The following MYO18B variants were observed in gnomAD, a reference collection of about 807,000 sequenced individuals.
MYO18B encodes the protein myosin XVIIIB.
Under a neutral mutation model 273.0 loss-of-function variants are expected in MYO18B, and 204 were observed. The ratio of observed to expected loss-of-function variants is 0.75; its 90% CI spans 0.67 to 0.84. MYO18B has a LOEUF of 0.84. MYO18B is among the 40% of genes least tolerant of loss of function. The pLI is 0.00. For synonymous variants in MYO18B, 1,330 were observed against 1,305.7 expected, an observed-to-expected ratio of 1.02 and a Z score of -0.40; for missense variants, 3,212 against 3,287.6, an observed-to-expected ratio of 0.98 and a Z score of 0.56.
the MYO18B span, among the ~76,000 whole-genome samples, chr22:26,053,373 T>C: frequency 2.0e-5 from 3 of 152,122 alleles, no homozygotes; most frequent in African/African-American, 7.3e-5. Flanking sequence ...TATACCTATT[T>C]TACAGAGGAA....
intron 29 of MYO18B, chr22:25,901,487 AG>A (rs2146337949): frequency 6.6e-6 from 1 of 152,328 alleles, no homozygotes; most frequent in South Asian, 2.1e-4. Flanking sequence ...GAAGGGCAGG[AG>A]GGCCCCTAAC....
At chr22:25,780,788 A>T (rs942540533) in intron 9 of MYO18B, among the ~76,000 whole-genome samples, 2 of 152,104 alleles carry the variant, frequency 1.3e-5, no homozygotes, top group African/African-American at 4.8e-5. Flanking sequence ...TGAAATATTC[A>T]TGAGCAAATA....
intron 40 of MYO18B, among the ~76,000 whole-genome samples, chr22:25,993,376 C>G (rs891207293): frequency 1.3e-5 from 2 of 152,178 alleles, no homozygotes; most frequent in Non-Finnish European, 2.9e-5. Flanking sequence ...AAGACACTTT[C>G]CTTACACAGC....
chr22:25,818,851 C>T (rs2089154950), intron 12 of MYO18B, among the ~76,000 whole-genome samples: 1 of 152,062 alleles, frequency 6.6e-6, no homozygotes, highest in Admixed American at 6.6e-5. Context: ...TCTTGCAACC[C>T]TATGAAGAGG....
intron 1 of MYO18B, among the ~76,000 whole-genome samples, chr22:25,754,249 G>A (rs1268094511): frequency 6.6e-6 from 1 of 152,226 alleles, no homozygotes; most frequent in Non-Finnish European, 1.5e-5. Context: ...AGCAGGAAAA[G>A]CATTTGAGGC....
At chr22:25,778,883 G>A (rs993451983) in intron 8 of MYO18B, among the ~76,000 whole-genome samples, 2 of 151,676 alleles carry the variant, frequency 1.3e-5, no homozygotes, top group South Asian at 4.2e-4. Context: ...ATTCAGAGAC[G>A]TTAACTAGCT....
At chr22:25,876,104 C>T in intron 23 of MYO18B, 85 bp from the exon 24 acceptor site, 1 of 1,445,358 alleles carries the variant, frequency 6.9e-7, no homozygotes, top group South Asian at 1.3e-5. Context: ...CCTCCAGCCC[C>T]TTTGCTACCC....
At chr22:26,002,465 G>C (rs571543495) in intron 40 of MYO18B, among the ~76,000 whole-genome samples, 3 of 152,280 alleles carry the variant, frequency 2.0e-5, no homozygotes, top group South Asian at 4.2e-4. Flanking sequence ...TTTTGAGGGT[G>C]GGAGCCAAGG....
intron 34 of MYO18B, among the ~76,000 whole-genome samples, chr22:25,922,708 G>A (rs2146452431): frequency 6.6e-6 from 1 of 152,200 alleles, no homozygotes; most frequent in East Asian, 1.9e-4. Flanking sequence ...CTTCCTTCTG[G>A]AGACACAGCC....
At chr22:26,030,392 C>T (rs947422530) in intron 43 of MYO18B, 51 bp from the exon 44 acceptor site, 1 of 153,196 alleles carries the variant, frequency 6.5e-6, no homozygotes, top group Admixed American at 6.5e-5. Flanking sequence ...AAAGAAAAAC[C>T]TTACCCATCC....
intron 26 of MYO18B, 130 bp from the exon 27 acceptor site, chr22:25,891,174 C>T (rs181419702): frequency 2.6e-6 from 2 of 759,786 alleles, no homozygotes; most frequent in East Asian, 2.7e-5. Context: ...AGCCCATGGT[C>T]CTGGATTCTG....
chr22:25,813,190 T>C (rs2145838723), intron 12 of MYO18B, among the ~76,000 whole-genome samples: 1 of 147,828 alleles, frequency 6.8e-6, no homozygotes, highest in South Asian at 2.1e-4. Flanking sequence ...CTTCCTTTTT[T>C]TTTTTTTTTT....
the MYO18B span, among the ~76,000 whole-genome samples, chr22:26,061,757 G>T: frequency 6.7e-6 from 1 of 150,282 alleles, no homozygotes; most frequent in Admixed American, 6.7e-5. Flanking sequence ...ACACACCTCT[G>T]CCCAACTCCA....
chr22:25,782,134 A>T lies in MYO18B; in HGVS notation c.2312+300A>T, dbSNP rs375416125. On this transcript the variant is annotated intron_variant, in intron 10 of 43. Coordinates refer to ENST00000335473, the MANE Select transcript of MYO18B (RefSeq NM_032608.7). ...TTCAGCTCTTTATAGGTCACATGTC[A>T]TCCACCCTGAGCCTCGGTTTCTTCC... Among the ~76,000 whole-genome samples the T allele has an allele frequency of 3.3e-5, 5 of 152,064 alleles. No homozygotes were observed. The East Asian group carries it at 9.6e-4, about 29-fold the overall frequency.
chr22:25,973,505 G>C (rs1351113708), intron 39 of MYO18B, among the ~76,000 whole-genome samples: 1 of 152,194 alleles, frequency 6.6e-6, no homozygotes, highest in Non-Finnish European at 1.5e-5. Flanking sequence ...CTGATATTTA[G>C]ATTATTTTCT....
chr22:25,844,538 A>G (rs1477320422), intron 18 of MYO18B, among the ~76,000 whole-genome samples: 2 of 152,242 alleles, frequency 1.3e-5, no homozygotes, highest in African/African-American at 2.4e-5. Context: ...TTGGATCAGC[A>G]TAAACGCTTT....
At position 25,873,597 on chromosome 22, in the gene MYO18B, C is replaced by T. The variant is rs550444393; in HGVS notation, c.3952-689C>T. Among the ~76,000 whole-genome samples, 11 of 152,322 alleles carry T rather than the reference C, an allele frequency of 7.2e-5. No individual in the cohort carries two copies. The South Asian group carries it at 1.0e-3, about 14-fold the overall frequency. On this transcript the variant is annotated intron_variant, in intron 22 of 43. Transcript: ENST00000335473. The stretch of plus-strand genomic sequence containing the variant: ...CTGGGATTACAGGCATTCGCCACCA[C>T]GCTTGGCTAATTTTGTATTTTTAGT...
intron 12 of MYO18B, among the ~76,000 whole-genome samples, chr22:25,799,779 C>T (rs1203077346): frequency 6.6e-6 from 1 of 152,170 alleles, no homozygotes; most frequent in Non-Finnish European, 1.5e-5. Context: ...CATACTGAGT[C>T]AGGAGTAAGT....
intron 42 of MYO18B, among the ~76,000 whole-genome samples, chr22:26,010,212 A>G (rs570756716): frequency 6.6e-6 from 1 of 152,248 alleles, no homozygotes; most frequent in Admixed American, 6.5e-5. Context: ...AAGTCAAGCT[A>G]CCATAATTGT....
Sources: allele counts gnomAD v4.1 joint callset (sites outside exome capture counted in the v4.1 genomes callset), GRCh38; gene constraint gnomAD v4.1.1; transcripts MANE v1.5; gene names NCBI Gene and HGNC (gene_info 2026-07-23, HGNC 2026-07-21).